Variants in PLOD1 observed in about 807,000 individuals in gnomAD.
PLOD1 encodes the protein procollagen-lysine,2-oxoglutarate 5-dioxygenase 1.
A neutral mutation model predicts 94.7 loss-of-function variants in PLOD1; 70 were observed. The observed-to-expected ratio is 0.74, with a 90% CI of 0.61 to 0.90. PLOD1 has a LOEUF of 0.90. Ranked by LOEUF, PLOD1 falls within the 40% of genes least tolerant of loss-of-function variation. PLOD1 has a pLI of 0.00. For synonymous variants in PLOD1, 417 were observed against 400.2 expected (o/e 1.04, Z -0.50); for missense variants, 905 against 972.7 (o/e 0.93, Z 0.93).
chr1:11,964,283 T>C lies in PLOD1; in HGVS notation c.1311T>C (p.Ile437=). 1 of 1,361,730 alleles carries C rather than the reference T, an allele frequency of 7.3e-7. No homozygotes were observed. The highest frequency in any genetic ancestry group is 9.8e-7 in the Non-Finnish European group (1 of 1,018,092). The allele number at this position is 1,361,730 out of a possible 1,614,324, so 84.4% of individuals were successfully genotyped here. A position where few individuals can be genotyped will look rare whatever the true frequency, so the allele number is the denominator to read the frequency against. Residue 437 remains isoleucine (I), a synonymous_variant, in exon 12 of 19, where the codon ATT becomes ATC. Transcript: ENST00000196061. ...YYARSEDYVD[I]VQGRRVGVWN... ...CCCGTTCCGAGGACTACGTGGACAT[T>C]GTGCAGGGGCGGCGTGTGTGAGTAC...
chr1:11,952,207 C>T (rs1223526367), intron 4 of PLOD1, among the ~76,000 whole-genome samples: 1 of 152,236 alleles, frequency 6.6e-6, no homozygotes, highest in Non-Finnish European at 1.5e-5. Flanking sequence ...GGTCTCAGCC[C>T]CCAAGGCACT....
At chr1:11,973,634 T>C (rs1052765994) in intron 18 of PLOD1, among the ~76,000 whole-genome samples, 9 of 151,284 alleles carry the variant, frequency 5.9e-5, no homozygotes, top group Non-Finnish European at 1.0e-4. Flanking sequence ...GGCTGGAGTG[T>C]AGTGGCATGA....
At chr1:11,959,618 A>ATTTTTTTT (rs796969636) in intron 9 of PLOD1, among the ~76,000 whole-genome samples, 1 of 93,116 alleles carries the variant, frequency 1.1e-5, no homozygotes, top group African/African-American at 3.9e-5. Context: ...AATTTTTTGT[A>ATTTTTTTT]TTTTTTTTTT....
chr1:11,969,109 G>A (rs1246542960), intron 16 of PLOD1, among the ~76,000 whole-genome samples: 3 of 142,714 alleles, frequency 2.1e-5, no homozygotes, highest in East Asian at 2.1e-4. Flanking sequence ...TGCAACCTCC[G>A]CCTGAGTAGC....
rs1191265335 is a variant in PLOD1, at chr1:11,958,579, C to G, written c.907C>G (p.Leu303Val). The G allele has an allele frequency of 3.1e-6, 5 of 1,614,104 alleles. No homozygotes were observed. The highest frequency in any genetic ancestry group is 2.2e-5 in the East Asian group (1 of 44,878). Reference protein sequence around the residue: ...FIEQPTPFVSLFFQRLLRLHY... With the variant: ...FIEQPTPFVSVFFQRLLRLHY... ...CGAACAGCCCACGCCGTTTGTGTCCCTGTTCTTCCAGCGGCTCCTGCGGCT... is the reference window on the plus strand; with the variant it reads ...CGAACAGCCCACGCCGTTTGTGTCCGTGTTCTTCCAGCGGCTCCTGCGGCT... Residue 303 changes from leucine to valine, a missense_variant, in exon 9 of 19, where the codon CTG becomes GTG. Transcript: ENST00000196061. This position sits in a 1 kb window ranked among gnomAD's most constrained non-coding sequence, Gnocchi z 4.3.
chr1:11,934,935 T>C, intron 1 of PLOD1, 80 bp downstream of exon 1: 4 of 1,478,508 alleles, frequency 2.7e-6, no homozygotes, highest in Non-Finnish European at 3.6e-6. Flanking sequence ...GGGAACGACC[T>C]GAATGGGAGG....
chr1:11,934,962 A>T, intron 1 of PLOD1, 107 bp downstream of exon 1: 1 of 1,354,298 alleles, frequency 7.4e-7, no homozygotes, highest in African/African-American at 1.5e-5. Flanking sequence ...CTGGAGAGGG[A>T]GTCTGGGTTC....
chr1:11,941,727 G>A (rs1243796261), intron 1 of PLOD1, among the ~76,000 whole-genome samples: 10 of 152,150 alleles, frequency 6.6e-5, no homozygotes, highest in African/African-American at 2.4e-4. Flanking sequence ...CAGGTGATCC[G>A]CCCGCCTAGG....
At chr1:11,949,249 G>A (rs1645679321) in intron 2 of PLOD1, among the ~76,000 whole-genome samples, 1 of 152,026 alleles carries the variant, frequency 6.6e-6, no homozygotes. Flanking sequence ...CCATGCTGGG[G>A]TCACATGCTC....
intron 14 of PLOD1, among the ~76,000 whole-genome samples, chr1:11,965,983 G>A (rs1045470050): frequency 3.9e-5 from 6 of 152,156 alleles, no homozygotes; most frequent in Admixed American, 2.0e-4. Context: ...GTTTCTAGAC[G>A]TTGGGAGCTC....
At chr1:11,947,268 CAAAA>C (rs548608489) in intron 1 of PLOD1, among the ~76,000 whole-genome samples, 3 of 144,958 alleles carry the variant, frequency 2.1e-5, no homozygotes, top group East Asian at 4.2e-4. Context: ...AACAAACAAA[CAAAA>C]AAAACAACCC....
intron 10 of PLOD1, among the ~76,000 whole-genome samples, chr1:11,962,583 T>C (rs1449137870): frequency 6.6e-6 from 1 of 152,102 alleles, no homozygotes; most frequent in East Asian, 1.9e-4. Flanking sequence ...GCCGATTTGT[T>C]TTTTTCTTGA....
intron 4 of PLOD1, among the ~76,000 whole-genome samples, chr1:11,951,998 AG>A (rs1169815915): frequency 2.6e-5 from 4 of 152,250 alleles, no homozygotes; most frequent in African/African-American, 9.6e-5. Context: ...TAAAATCCAC[AG>A]GCCTCTTTTC....
At chr1:11,971,934 G>A (rs1048939179) in intron 17 of PLOD1, 6 of 152,194 alleles carry the variant, frequency 3.9e-5, no homozygotes, top group Non-Finnish European at 8.8e-5. Context: ...ACAATTACCT[G>A]GCTGGCCTCG....
At chr1:11,943,292 T>TTTTTC (rs1645627331) in intron 1 of PLOD1, among the ~76,000 whole-genome samples, 1 of 138,106 alleles carries the variant, frequency 7.2e-6, no homozygotes, top group African/African-American at 3.0e-5. Context: ...CCGGCTTTTT[T>TTTTTC]TTTCTTTCTT....
At chr1:11,964,850 G>C in intron 13 of PLOD1, 65 bp downstream of exon 13, 2 of 1,552,634 alleles carry the variant, frequency 1.3e-6, no homozygotes, top group Non-Finnish European at 1.8e-6. Context: ...TGGGCCTCCA[G>C]CTCTGACCCT....
intron 1 of PLOD1, 109 bp downstream of exon 1, chr1:11,934,964 T>C: frequency 7.5e-7 from 1 of 1,334,890 alleles, no homozygotes; most frequent in Non-Finnish European, 1.0e-6. Flanking sequence ...GGAGAGGGAG[T>C]CTGGGTTCCG....
rs182722249 is a variant in PLOD1, at chr1:11,937,808, A to G, written c.76+2953A>G. On this transcript the variant is annotated intron_variant, in intron 1 of 18. Transcript: ENST00000196061. ...AGAGCACCTGGTAGGTAGAAAGCAC[A>G]TCTGTGCTCACTGATGCACAAGAGA... Among the ~76,000 whole-genome samples the G allele has an allele frequency of 2.4e-3, 368 of 152,156 alleles. 1 individual carries two copies. The highest frequency in any genetic ancestry group is 8.4e-3 in the African/African-American group (348 of 41,500).
rs370736543 is a variant in PLOD1, at chr1:11,958,591, C to A, written c.919C>A (p.Arg307=). The stretch of plus-strand genomic sequence containing the variant: ...GCCGTTTGTGTCCCTGTTCTTCCAG[C>A]GGCTCCTGCGGCTCCACTACCCCCA... ...PTPFVSLFFQ[R]LLRLHYPQKH... is the part of the protein sequence containing the mutation. Residue 307 remains arginine, a synonymous_variant, in exon 9 of 19, where the codon CGG becomes AGG. Transcript: ENST00000196061. This position sits in a 1 kb window ranked among gnomAD's most constrained non-coding sequence, Gnocchi z 4.3. 1.2e-6 allele frequency: 2 copies of A among 1,614,004 alleles called. No individual in the cohort carries two copies. Among genetic ancestry groups the A allele is most frequent in the South Asian group, 2.2e-5 (2 of 91,052 alleles).
Sources: allele counts gnomAD v4.1 joint callset (sites outside exome capture counted in the v4.1 genomes callset), GRCh38; gene constraint gnomAD v4.1.1; non-coding constraint Gnocchi (gnomAD v3.1); transcripts MANE v1.5; gene names NCBI Gene and HGNC (gene_info 2026-07-23, HGNC 2026-07-21).